FANCA: variants seen among roughly 807,000 people sequenced by gnomAD.
FANCA encodes FA complementation group A.
Under a neutral mutation model 194.3 loss-of-function variants are expected in FANCA, and 236 were observed. The ratio of observed to expected loss-of-function variants is 1.21; its 90% CI spans 1.09 to 1.35. FANCA has a LOEUF of 1.35. Among genes scored for constraint, FANCA ranks in the 40% most tolerant of loss-of-function variants. FANCA has a pLI of 0.00. For missense variants in FANCA, 2,628 were observed against 1,813.9 expected (o/e 1.45, Z -8.15); for synonymous variants, 1,014 against 715.8 (o/e 1.42, Z -6.65).
At chr16:89,771,155 CA>C (rs34471552) in intron 23 of FANCA, among the ~76,000 whole-genome samples, 613 of 56,628 alleles carry the variant, frequency 0.011, 6 homozygotes, top group African/African-American at 0.03. Flanking sequence ...AAGACTCAGT[CA>C]AAAAAAAAAA....
Position 89,737,818 on chromosome 16 carries a change from A to AT in FANCA, c.*782dup. 2 of 1,614,142 alleles carry AT rather than the reference A, an allele frequency of 1.2e-6. No individual in the cohort carries two copies. The highest frequency in any genetic ancestry group is 1.7e-6 in the Non-Finnish European group (2 of 1,180,040). ...TCTCCCCTCTCAGAGGTGCGGAACT[A>AT]TATCTGTGACGAATGTGGACAAACC... is the stretch of plus-strand genomic sequence containing the variant. On this transcript the variant is annotated 3_prime_UTR_variant, in exon 43 of 43. Transcript: ENST00000389301.
intron 10 of FANCA, among the ~76,000 whole-genome samples, chr16:89,797,338 T>TAAAGAAAG (rs946467262): frequency 1.3e-5 from 2 of 149,718 alleles, no homozygotes; most frequent in Admixed American, 1.3e-4. Flanking sequence ...CTCAAAAAAA[T>TAAAGAAAG]AAAGAAAGAA....
chr16:89,757,177 G>C (rs890659572), intron 30 of FANCA, among the ~76,000 whole-genome samples: 2 of 152,036 alleles, frequency 1.3e-5, no homozygotes, highest in Non-Finnish European at 2.9e-5. Context: ...CACCAGGCTG[G>C]TCTCGAGCTC....
intron 10 of FANCA, chr16:89,798,757 G>T (rs897365888): frequency 1.5e-5 from 21 of 1,377,308 alleles, no homozygotes; most frequent in Admixed American, 3.0e-5. Flanking sequence ...CAGGCAGCGG[G>T]AGTCTGTAGA....
intron 11 of FANCA, 90 bp from the exon 12 acceptor site, chr16:89,792,637 T>G (rs987984788): frequency 5.6e-6 from 6 of 1,067,372 alleles, no homozygotes; most frequent in African/African-American, 1.6e-5. Flanking sequence ...GGTCGGTGGG[T>G]CTCTCCCCGT....
At chr16:89,811,855 C>T (rs1471504469) in intron 3 of FANCA, among the ~76,000 whole-genome samples, 4 of 152,012 alleles carry the variant, frequency 2.6e-5, no homozygotes, top group East Asian at 3.9e-4. Flanking sequence ...CTCAGCCTCC[C>T]AAGTAGCTGG....
chr16:89,754,801 G>A (rs914299949), intron 30 of FANCA, among the ~76,000 whole-genome samples: 3 of 152,170 alleles, frequency 2.0e-5, no homozygotes, highest in African/African-American at 7.2e-5. Context: ...TGATTCAAAA[G>A]GAAAGAAGAC....
intron 22 of FANCA, among the ~76,000 whole-genome samples, chr16:89,772,532 T>C (rs1424602336): frequency 6.7e-6 from 1 of 150,202 alleles, no homozygotes; most frequent in East Asian, 2.0e-4. Flanking sequence ...ATCACCTCCA[T>C]GTAGGCCAGG....
chr16:89,763,927 AAAAC>A (rs1310944777), intron 28 of FANCA, among the ~76,000 whole-genome samples: 4 of 148,760 alleles, frequency 2.7e-5, no homozygotes, highest in East Asian at 4.0e-4. Context: ...CCAGAAAAAA[AAAAC>A]AAAACAACAA....
rs140182250 is a variant in FANCA at position 89,745,414 on chromosome 16, C to G, written c.3514-343G>C. Among the ~76,000 whole-genome samples the G allele has an allele frequency of 4.7e-3, 689 of 147,282 alleles. 1 individual carries two copies. Among genetic ancestry groups the G allele is most frequent in the Non-Finnish European group, 7.8e-3 (508 of 65,430 alleles). ...GAAACAGTGAAGGGACCACACTCCTCTGAGCTGGGAACAAAACAGTGAAGG... is the reference window on the plus strand; with the variant it reads ...GAAACAGTGAAGGGACCACACTCCTGTGAGCTGGGAACAAAACAGTGAAGG... On this transcript the variant is annotated intron_variant, in intron 35 of 42. Coordinates refer to ENST00000389301, the MANE Select transcript of FANCA (RefSeq NM_000135.4).
chr16:89,812,922 A>G (rs1257760351), intron 3 of FANCA, among the ~76,000 whole-genome samples: 1 of 151,272 alleles, frequency 6.6e-6, no homozygotes, highest in East Asian at 2.0e-4. Context: ...AATCCCAGCT[A>G]TTCGGGAGGC....
intron 7 of FANCA, 68 bp downstream of exon 7, chr16:89,805,212 G>C (rs2040593832): frequency 1.6e-6 from 2 of 1,232,354 alleles, no homozygotes; most frequent in Non-Finnish European, 2.4e-6. Flanking sequence ...GAGCTCTTGA[G>C]AGCAGAAGGC....
chr16:89,738,914 A>C lies in FANCA; in HGVS notation c.4228T>G (p.Cys1410Gly). The C allele has an allele frequency of 1.2e-6, 2 of 1,614,256 alleles. No homozygotes were observed. Residue 1410 changes from cysteine to glycine, a missense_variant, in exon 42 of 43, where the codon TGC (cysteine) becomes GGC (glycine). Coordinates refer to ENST00000389301, the MANE Select transcript of FANCA (RefSeq NM_000135.4). ...ACGTGTGAGAAGCTCTTTTTCGGGCACCGAGGTATTAACTGCAGCAGAAAA... is the reference window on the plus strand; with the variant it reads ...ACGTGTGAGAAGCTCTTTTTCGGGCCCCGAGGTATTAACTGCAGCAGAAAA... ...RLFLLQLIPR[C>G]PKKSFSHVAE...
At chr16:89,739,657 T>G in intron 39 of FANCA, 104 bp from the exon 40 acceptor site, 7 of 1,509,746 alleles carry the variant, frequency 4.6e-6, no homozygotes, top group Non-Finnish European at 6.3e-6. Context: ...GAGGCCTGGC[T>G]GTGGGGATAG....
chr16:89,764,699 G>A, intron 28 of FANCA, 191 bp downstream of exon 28: 2 of 719,560 alleles, frequency 2.8e-6, no homozygotes, highest in Non-Finnish European at 5.1e-6. Flanking sequence ...TTGCCTCTGA[G>A]GAGACAGTCG....
At position 89,808,344 on chromosome 16, in the gene FANCA, C is replaced by T. The variant is rs766417293; in HGVS notation, c.546G>A (p.Val182=). ...KIQSSLLLEA[V]WHLHVQGIVS... ...CAATGCCTTGTACGTGAAGATGCCACACCGCTTCAAGCAACAAAGAACTCT... is the reference window on the plus strand; with the variant it reads ...CAATGCCTTGTACGTGAAGATGCCATACCGCTTCAAGCAACAAAGAACTCT... The change falls in exon 6 of 43, where the codon GTG becomes GTA. Residue 182 remains valine, a synonymous_variant. Transcript: ENST00000389301. 2.5e-6 allele frequency: 4 copies of T among 1,614,158 alleles called. No individual in the cohort carries two copies. Among genetic ancestry groups the T allele is most frequent in the Admixed American group, 1.7e-5 (1 of 60,010 alleles).
At position 89,738,350 on chromosome 16, in the gene FANCA, C is replaced by A; in HGVS notation, c.*251G>T. The A allele has an allele frequency of 7.4e-6, 11 of 1,480,728 alleles. No homozygotes were observed. The highest frequency in any genetic ancestry group is 8.1e-6 in the Non-Finnish European group (9 of 1,112,534). 91.7% of individuals were successfully genotyped at this position (1,480,728 alleles called of 1,614,324 possible). A position where few individuals can be genotyped will look rare whatever the true frequency, so the allele number is the denominator to read the frequency against. ...GCATGGGAGGGTCGGAGGGTGCTGCCCGCCCTTGGTGCTGGAGGCGGGCTT... is the reference window on the plus strand; with the variant it reads ...GCATGGGAGGGTCGGAGGGTGCTGCACGCCCTTGGTGCTGGAGGCGGGCTT... On this transcript the variant is annotated 3_prime_UTR_variant, in exon 43 of 43. Transcript: ENST00000389301.
chr16:89,741,345 G>A (rs951999248), intron 37 of FANCA, among the ~76,000 whole-genome samples: 7 of 152,202 alleles, frequency 4.6e-5, no homozygotes, highest in Admixed American at 2.0e-4. Flanking sequence ...AACTACACAA[G>A]AAACCTGAAG....
At position 89,812,646 on chromosome 16, in the gene FANCA, C is replaced by CAAAAAAAAAAAAAAAAAAAAAA. The variant is rs71137677; in HGVS notation, c.284-1597_284-1576dup. Among the ~76,000 whole-genome samples, 113 of 42,260 alleles carry CAAAAAAAAAAAAAAAAAAAAAA rather than the reference C, an allele frequency of 2.7e-3. 5 individuals are homozygous for CAAAAAAAAAAAAAAAAAAAAAA. The highest frequency in any genetic ancestry group is 5.1e-3 in the Non-Finnish European group (90 of 17,552). The allele number at this position is 42,260 out of a possible 152,430, so 27.7% of individuals were successfully genotyped here. A position where few individuals can be genotyped will look rare whatever the true frequency, so the allele number is the denominator to read the frequency against. On this transcript the variant is annotated intron_variant, in intron 3 of 42. Coordinates refer to ENST00000389301, the MANE Select transcript of FANCA (RefSeq NM_000135.4). ...GGGTAACAAGAGCAATACTCCGTCT[C>CAAAAAAAAAAAAAAAAAAAAAA]AAAAAAAAAAAAAAAAAAAAAAAAC...
Sources: gnomAD v4.1 joint callset for allele counts (sites outside exome capture counted in the v4.1 genomes callset) on GRCh38, gnomAD v4.1.1 for gene constraint, MANE v1.5 for transcripts, NCBI Gene and HGNC (gene_info 2026-07-23, HGNC 2026-07-21) for gene names.